Variants in KCNMA1 observed in about 807,000 individuals in gnomAD.
The protein encoded by KCNMA1 is Calcium-activated potassium channel subunit alpha-1.
In KCNMA1, 29 loss-of-function variants were observed where a neutral mutation model predicts 140.0. The observed-to-expected ratio is 0.21, with a 90% CI of 0.15 to 0.28. KCNMA1 has a LOEUF of 0.28. Ranked by LOEUF, KCNMA1 falls within the 10% of genes least tolerant of loss-of-function variation. The probability of loss-of-function intolerance (pLI) is 1.00; values close to 1 mark genes in which losing one functional copy is unlikely to be tolerated. For missense variants in KCNMA1, 880 were observed against 1,602.2 expected (o/e 0.55, Z 7.70); for synonymous variants, 612 against 611.9 (o/e 1.00, Z 0.00).
intron 27 of KCNMA1, among the ~76,000 whole-genome samples, chr10:76,888,442 G>A (rs2038291889): frequency 6.6e-6 from 1 of 152,082 alleles, no homozygotes; most frequent in Non-Finnish European, 1.5e-5. Context: ...TTAAGTTAGA[G>A]TAATCAGAAT....
At chr10:76,989,994 C>T (rs549682546) in intron 19 of KCNMA1, among the ~76,000 whole-genome samples, 67 of 152,290 alleles carry the variant, frequency 4.4e-4, no homozygotes, top group Non-Finnish European at 6.8e-4. Context: ...AATAATTCAA[C>T]ATATACCAGG....
intron 3 of KCNMA1, among the ~76,000 whole-genome samples, chr10:77,193,110 G>C (rs562295667): frequency 6.6e-6 from 1 of 151,880 alleles, no homozygotes. Context: ...ATCTACATAA[G>C]AGGCAGAGAT....
intron 26 of KCNMA1, among the ~76,000 whole-genome samples, chr10:76,891,033 G>A (rs2039815715): frequency 6.6e-6 from 1 of 152,224 alleles, no homozygotes; most frequent in Non-Finnish European, 1.5e-5. Context: ...AAACCTGCAG[G>A]CTGAGGCTGG....
chr10:77,088,131 T>C (rs1463876109), intron 10 of KCNMA1, among the ~76,000 whole-genome samples: 1 of 152,066 alleles, frequency 6.6e-6, no homozygotes, highest in Non-Finnish European at 1.5e-5. Flanking sequence ...CGGCTAATTT[T>C]TGTGTTTTCA....
chr10:77,614,757 A>T (rs896370665), intron 1 of KCNMA1, among the ~76,000 whole-genome samples: 2 of 152,148 alleles, frequency 1.3e-5, no homozygotes, highest in Admixed American at 6.5e-5. Flanking sequence ...ACCTCACTGC[A>T]TGAGCAGAGG....
intron 5 of KCNMA1, among the ~76,000 whole-genome samples, chr10:77,160,000 CA>C (rs1428876592): frequency 1.3e-5 from 2 of 152,130 alleles, no homozygotes; most frequent in Admixed American, 1.3e-4. Context: ...TTGAATGAAA[CA>C]AAATGAGCTA....
At chr10:77,574,958 G>A (rs887666340) in intron 1 of KCNMA1, among the ~76,000 whole-genome samples, 3 of 152,162 alleles carry the variant, frequency 2.0e-5, no homozygotes, top group African/African-American at 7.2e-5. Context: ...ACCACTGCAG[G>A]GGCTGGGACC....
At chr10:77,084,773 C>G in intron 11 of KCNMA1, 54 bp from the exon 12 acceptor site, 1 of 1,251,634 alleles carries the variant, frequency 8.0e-7, no homozygotes. Context: ...TAGCCATGCT[C>G]GAGTGTAGTC....
At chr10:77,012,066 C>T (rs756415245) in intron 17 of KCNMA1, 23 bp from the exon 18 acceptor site, 18 of 1,613,186 alleles carry the variant, frequency 1.1e-5, no homozygotes, top group Non-Finnish European at 1.5e-5. Flanking sequence ...AATGGAAAAA[C>T]TGACACGTTT....
chr10:77,015,949 T>C (rs893715001), intron 17 of KCNMA1, among the ~76,000 whole-genome samples: 1 of 152,038 alleles, frequency 6.6e-6, no homozygotes, highest in Non-Finnish European at 1.5e-5. Context: ...TTCCTCTCAT[T>C]CTCTACAATG....
intron 1 of KCNMA1, among the ~76,000 whole-genome samples, chr10:77,528,648 C>T (rs2056665228): frequency 7.1e-6 from 1 of 140,438 alleles, no homozygotes; most frequent in Non-Finnish European, 1.5e-5. Context: ...CCAACAAAAG[C>T]TCGTACACAA....
chr10:77,387,207 A>G (rs993906596), intron 2 of KCNMA1, among the ~76,000 whole-genome samples: 1 of 152,230 alleles, frequency 6.6e-6, no homozygotes, highest in African/African-American at 2.4e-5. Flanking sequence ...CAAACACTAA[A>G]GAAAGTCTCC....
intron 2 of KCNMA1, among the ~76,000 whole-genome samples, chr10:77,338,128 G>C (rs957017371): frequency 5.9e-5 from 9 of 152,178 alleles, no homozygotes; most frequent in African/African-American, 2.2e-4. Context: ...GAGCCTGAAG[G>C]CTCTTGAGAG....
At chr10:77,568,825 T>G (rs113132639) in intron 1 of KCNMA1, among the ~76,000 whole-genome samples, 15,113 of 151,302 alleles carry the variant, frequency 0.1, 954 homozygotes, top group Middle Eastern at 0.15. Context: ...TGATTGTATA[T>G]CTAGAAAACC....
At chr10:77,274,140 C>G (rs202077816) in intron 2 of KCNMA1, among the ~76,000 whole-genome samples, 1 of 151,930 alleles carries the variant, frequency 6.6e-6, no homozygotes, top group South Asian at 2.1e-4. Context: ...AGGATCATGA[C>G]AAGCCATAAA....
chr10:77,347,452 A>G (rs2092333437), intron 2 of KCNMA1, among the ~76,000 whole-genome samples: 1 of 152,198 alleles, frequency 6.6e-6, no homozygotes, highest in Non-Finnish European at 1.5e-5. Context: ...CCTCCTACCA[A>G]CGCTGAGATG....
intron 1 of KCNMA1, among the ~76,000 whole-genome samples, chr10:77,555,374 T>A (rs1567520215): frequency 6.6e-6 from 1 of 151,904 alleles, no homozygotes. Flanking sequence ...GAAGACCTCA[T>A]GGGGCAGAAA....
chr10:76,944,582 G>C (rs1052676570), intron 23 of KCNMA1, among the ~76,000 whole-genome samples, 191 bp downstream of exon 23: 1 of 152,170 alleles, frequency 6.6e-6, no homozygotes, highest in Non-Finnish European at 1.5e-5. Context: ...GGGTGACCAG[G>C]TCTCAAGCCT....
chr10:77,533,498 A>C (rs955105948), intron 1 of KCNMA1, among the ~76,000 whole-genome samples: 7 of 152,168 alleles, frequency 4.6e-5, no homozygotes, highest in African/African-American at 1.7e-4. Flanking sequence ...AGGAACAGTA[A>C]ATGTTGGAAG....
Sources: gnomAD v4.1 joint callset for allele counts (sites outside exome capture counted in the v4.1 genomes callset) on GRCh38, gnomAD v4.1.1 for gene constraint, MANE v1.5 for transcripts, NCBI Gene and HGNC (gene_info 2026-07-23, HGNC 2026-07-21) for gene names.